ZDHHC14: variants seen among roughly 807,000 people sequenced by gnomAD.
ZDHHC14 encodes zDHHC palmitoyltransferase 14.
ZDHHC14 carries 16 observed loss-of-function variants against 47.7 expected under a neutral mutation model. The observed-to-expected ratio is 0.34, with a 90% CI of 0.23 to 0.51. ZDHHC14 has a LOEUF of 0.51. ZDHHC14 is among the 20% of genes least tolerant of loss of function. The pLI, the probability that ZDHHC14 is intolerant of heterozygous loss-of-function variation, is 0.97. For synonymous variants in ZDHHC14, 293 were observed against 278.9 expected (o/e 1.05, Z -0.50); for missense variants, 515 against 662.5 (o/e 0.78, Z 2.44).
At chr6:157,548,390 C>T (rs1374607424) in intron 2 of ZDHHC14, among the ~76,000 whole-genome samples, 1 of 152,088 alleles carries the variant, frequency 6.6e-6, no homozygotes, top group Admixed American at 6.6e-5. Context: ...TCCCATCCTC[C>T]CTCCGTGCTG....
intron 1 of ZDHHC14, among the ~76,000 whole-genome samples, chr6:157,419,965 G>A (rs1778062860): frequency 6.6e-6 from 1 of 152,228 alleles, no homozygotes; most frequent in Non-Finnish European, 1.5e-5. Flanking sequence ...TGTCAGTGTT[G>A]TGGATTTTAG....
At chr6:157,530,038 T>C (rs896879339) in intron 1 of ZDHHC14, among the ~76,000 whole-genome samples, 2 of 152,356 alleles carry the variant, frequency 1.3e-5, no homozygotes, top group African/African-American at 2.4e-5. Flanking sequence ...TGAAATGTTA[T>C]ATGTGAAACT....
intron 3 of ZDHHC14, among the ~76,000 whole-genome samples, chr6:157,601,926 G>A (rs1380264461): frequency 2.0e-5 from 3 of 152,220 alleles, no homozygotes; most frequent in African/African-American, 7.2e-5. Flanking sequence ...ATTCAGGGCT[G>A]GGCGCGGTGG....
intron 1 of ZDHHC14, among the ~76,000 whole-genome samples, chr6:157,459,255 G>A (rs1359805930): frequency 6.6e-6 from 1 of 152,136 alleles, no homozygotes; most frequent in African/African-American, 2.4e-5. Flanking sequence ...TAATGTAGAA[G>A]GTGTAGCTCC....
intron 1 of ZDHHC14, among the ~76,000 whole-genome samples, chr6:157,471,867 G>A (rs1779363099): frequency 1.3e-5 from 2 of 152,184 alleles, no homozygotes; most frequent in Admixed American, 6.5e-5. Flanking sequence ...CCCTTCCCTC[G>A]GAGTTCCTCT....
At chr6:157,671,062 G>C (rs543588787) in intron 8 of ZDHHC14, among the ~76,000 whole-genome samples, 1 of 152,202 alleles carries the variant, frequency 6.6e-6, no homozygotes, top group African/African-American at 2.4e-5. Context: ...GGCTGCAGGG[G>C]TATGAGCAAT....
intron 7 of ZDHHC14, among the ~76,000 whole-genome samples, chr6:157,648,617 C>T (rs901144932): frequency 6.6e-6 from 1 of 152,198 alleles, no homozygotes; most frequent in Non-Finnish European, 1.5e-5. Flanking sequence ...TCAAGGCACC[C>T]CTGACCTCCT....
At chr6:157,634,789 A>C (rs1776883819) in intron 5 of ZDHHC14, among the ~76,000 whole-genome samples, 1 of 152,186 alleles carries the variant, frequency 6.6e-6, no homozygotes, top group Admixed American at 6.5e-5. Context: ...TTCAGACACA[A>C]ATATCCAACA....
At chr6:157,499,935 A>G (rs1780157820) in intron 1 of ZDHHC14, among the ~76,000 whole-genome samples, 1 of 152,204 alleles carries the variant, frequency 6.6e-6, no homozygotes, top group African/African-American at 2.4e-5. Context: ...GAATGAGACA[A>G]AATCCCTGCC....
chr6:157,510,224 A>G (rs1290786628), intron 1 of ZDHHC14, among the ~76,000 whole-genome samples: 1 of 152,190 alleles, frequency 6.6e-6, no homozygotes, highest in East Asian at 1.9e-4. Flanking sequence ...AGCCTGGGTG[A>G]CAGAGCGAGA....
intron 1 of ZDHHC14, among the ~76,000 whole-genome samples, chr6:157,541,650 G>T (rs938947668): frequency 6.6e-6 from 1 of 152,198 alleles, no homozygotes; most frequent in Non-Finnish European, 1.5e-5. Flanking sequence ...GGCGACAATG[G>T]ACTGACTGTG....
At chr6:157,609,260 G>C (rs909336632) in intron 3 of ZDHHC14, among the ~76,000 whole-genome samples, 1 of 152,166 alleles carries the variant, frequency 6.6e-6, no homozygotes, top group Non-Finnish European at 1.5e-5. Flanking sequence ...GTGTCAAAAG[G>C]TGCGCACCTG....
intron 1 of ZDHHC14, among the ~76,000 whole-genome samples, chr6:157,535,024 A>T (rs1326380961): frequency 2.0e-5 from 3 of 152,236 alleles, no homozygotes. Context: ...AGCCTGTATT[A>T]TAAAGCTACA....
At chr6:157,474,193 G>A (rs1037081114) in intron 1 of ZDHHC14, among the ~76,000 whole-genome samples, 2 of 152,084 alleles carry the variant, frequency 1.3e-5, no homozygotes, top group African/African-American at 4.8e-5. Context: ...GTTTCACCAT[G>A]TTGGTCAGGC....
At chr6:157,595,174 A>ATTTTTTTTTTTTTT (rs777568494) in intron 3 of ZDHHC14, among the ~76,000 whole-genome samples, 2 of 62,700 alleles carry the variant, frequency 3.2e-5, no homozygotes, top group African/African-American at 7.4e-5. Context: ...TCTAGGCTAG[A>ATTTTTTTTTTTTTT]TTTTTTTTTT....
intron 5 of ZDHHC14, among the ~76,000 whole-genome samples, chr6:157,639,698 C>T (rs1777155058): frequency 6.6e-6 from 1 of 152,052 alleles, no homozygotes; most frequent in East Asian, 1.9e-4. Context: ...AGGGACAGCT[C>T]AGTAGGGAGA....
chr6:157,664,548 T>C (rs1168808326), intron 8 of ZDHHC14, among the ~76,000 whole-genome samples: 1 of 152,226 alleles, frequency 6.6e-6, no homozygotes. Flanking sequence ...ACTTTTTTAA[T>C]TTGTTGGAAC....
At chr6:157,592,660 G>A (rs1400589090) in intron 2 of ZDHHC14, 2 of 881,316 alleles carry the variant, frequency 2.3e-6, no homozygotes, top group African/African-American at 3.6e-5. Flanking sequence ...AAGATGGCCT[G>A]GGGCCTCTCC....
chr6:157,416,504 A>C (rs544820563), intron 1 of ZDHHC14, among the ~76,000 whole-genome samples: 4 of 151,848 alleles, frequency 2.6e-5, no homozygotes, highest in African/African-American at 9.7e-5. Context: ...ATCAAAAAAA[A>C]ACAAGCAAAA....
Sources: gnomAD v4.1 joint callset for allele counts (sites outside exome capture counted in the v4.1 genomes callset) on GRCh38, gnomAD v4.1.1 for gene constraint, MANE v1.5 for transcripts, NCBI Gene and HGNC (gene_info 2026-07-23, HGNC 2026-07-21) for gene names.